Variants in TMTC4 observed in about 807,000 individuals in gnomAD.
TMTC4 encodes transmembrane O-mannosyltransferase targeting cadherins 4.
TMTC4 carries 65 observed loss-of-function variants against 86.0 expected under a neutral mutation model. The ratio of observed to expected loss-of-function variants is 0.76; its 90% confidence interval spans 0.62 to 0.93. The LOEUF (loss-of-function observed/expected upper bound fraction) is 0.93. TMTC4 is among the 40% of genes least tolerant of loss of function. The probability of loss-of-function intolerance (pLI) is 0.00; values close to 1 mark genes in which losing one functional copy is unlikely to be tolerated. For synonymous variants in TMTC4, 379 were observed against 382.5 expected, an observed-to-expected ratio of 0.99 and a Z score of 0.11; for missense variants, 866 against 948.1, an observed-to-expected ratio of 0.91 and a Z score of 1.14.
intron 6 of TMTC4, among the ~76,000 whole-genome samples, chr13:100,646,258 A>G (rs775362860): frequency 1.3e-5 from 2 of 152,186 alleles, no homozygotes; most frequent in African/African-American, 2.4e-5. Context: ...GGAGCAACTA[A>G]AAATTGTTCT....
intron 5 of TMTC4, among the ~76,000 whole-genome samples, chr13:100,662,762 C>A (rs541376746): frequency 1.3e-5 from 2 of 152,276 alleles, no homozygotes; most frequent in South Asian, 4.2e-4. Context: ...TGTCTCTGCC[C>A]CAGACAGAAT....
intron 5 of TMTC4, among the ~76,000 whole-genome samples, chr13:100,659,530 A>G (rs919304719): frequency 6.6e-6 from 1 of 152,112 alleles, no homozygotes; most frequent in Admixed American, 6.5e-5. Context: ...AACAAAAAGG[A>G]AAGCCCACAC....
chr13:100,672,978 G>A (rs2139087118), intron 1 of TMTC4, among the ~76,000 whole-genome samples: 1 of 152,272 alleles, frequency 6.6e-6, no homozygotes, highest in South Asian at 2.1e-4. Context: ...ACCCACTGTG[G>A]CCTCTGCTAC....
At chr13:100,619,586 T>C (rs1879173555) in intron 15 of TMTC4, among the ~76,000 whole-genome samples, 1 of 152,134 alleles carries the variant, frequency 6.6e-6, no homozygotes, top group South Asian at 2.1e-4. Context: ...ACACAGCAAA[T>C]AGATAGCATA....
At chr13:100,616,414 G>A (rs1878514604) in intron 15 of TMTC4, among the ~76,000 whole-genome samples, 1 of 152,220 alleles carries the variant, frequency 6.6e-6, no homozygotes, top group African/African-American at 2.4e-5. Flanking sequence ...TCTTGGCCAG[G>A]CTGGTCTTGA....
At chr13:100,671,892 A>G (rs1364434177) in intron 1 of TMTC4, among the ~76,000 whole-genome samples, 2 of 152,078 alleles carry the variant, frequency 1.3e-5, no homozygotes, top group Non-Finnish European at 2.9e-5. Context: ...AAAAAAAAAA[A>G]AAGCTACAAT....
rs1445276872 is a variant in TMTC4, at chr13:100,611,678, G to A, written c.2064+720C>T. Among the ~76,000 whole-genome samples the A allele has an allele frequency of 2.0e-5, 3 of 152,160 alleles. No homozygotes were observed. The East Asian group carries it at 5.8e-4, about 29-fold the overall frequency. On this transcript the variant is annotated intron_variant, in intron 17 of 18. Coordinates refer to ENST00000342624, the MANE Select transcript of TMTC4 (RefSeq NM_032813.5). The stretch of plus-strand genomic sequence containing the variant: ...GCCAATCCCTTCTGGGGAGAATCTG[G>A]GCATCTCTACTTTAACAAGCTTCCT...
Position 100,670,400 on chromosome 13 carries a change from A to G in TMTC4, c.-38T>C. The G allele has an allele frequency of 1.3e-6, 2 of 1,597,954 alleles. No homozygotes were observed. The highest frequency in any genetic ancestry group is 8.5e-7 in the Non-Finnish European group (1 of 1,174,600). The stretch of plus-strand genomic sequence containing the variant: ...CTGTCCCCTTCCAGGGGCCAGAAGG[A>G]GGCTCAGATTTACAATCCAGAGATG... On this transcript the variant is annotated 5_prime_UTR_variant, in exon 2 of 19. Coordinates refer to ENST00000342624, the MANE Select transcript of TMTC4 (RefSeq NM_032813.5).
chr13:100,620,886 G>T (rs1004552154), intron 15 of TMTC4, among the ~76,000 whole-genome samples: 1 of 152,126 alleles, frequency 6.6e-6, no homozygotes, highest in Non-Finnish European at 1.5e-5. Flanking sequence ...GTTCTTATTT[G>T]CCAGTATATA....
In TMTC4 at chr13:100,663,083, A is replaced by T; in HGVS notation, c.433T>A (p.Phe145Ile). Residue 145 changes from phenylalanine (F) to isoleucine (I), a missense_variant, in exon 5 of 19, where the codon TTC becomes ATC. By Grantham distance (21) the Phe-to-Ile change is conservative (BLOSUM62 0). Coordinates refer to ENST00000342624, the MANE Select transcript of TMTC4 (RefSeq NM_032813.5). ...TGCAGGCCGCCAAACAGAACCGAGA[A>T]GACGTCCACCATGAGGACAGAGATG... ...SGISVLMVDV[F>I]SVLFGGLQYT... 1 of 1,614,240 alleles carries T rather than the reference A, an allele frequency of 6.2e-7. No individual in the cohort carries two copies. The highest frequency in any genetic ancestry group is 8.5e-7 in the Non-Finnish European group (1 of 1,180,032).
intron 6 of TMTC4, among the ~76,000 whole-genome samples, chr13:100,650,959 T>C (rs1441688627): frequency 6.6e-6 from 1 of 152,230 alleles, no homozygotes; most frequent in Non-Finnish European, 1.5e-5. Context: ...ACTATACAGC[T>C]TAAGGTGAAC....
chr13:100,645,787 A>G (rs1159064479), intron 6 of TMTC4, among the ~76,000 whole-genome samples: 1 of 152,186 alleles, frequency 6.6e-6, no homozygotes, highest in Non-Finnish European at 1.5e-5. Context: ...TCCCGAGTCG[A>G]GGGTCTGTCC....
chr13:100,668,506 C>A (rs1280119943), intron 3 of TMTC4, 73 bp downstream of exon 3: 2 of 1,455,912 alleles, frequency 1.4e-6, no homozygotes, highest in East Asian at 4.8e-5. Context: ...GAGAACAATG[C>A]AACACATACT....
intron 5 of TMTC4, 74 bp from the exon 6 acceptor site, chr13:100,656,542 C>CTTTTTTTTTTTTTTTTATTTT (rs1885138873): frequency 2.9e-6 from 1 of 350,206 alleles, no homozygotes; most frequent in Non-Finnish European, 4.6e-6. Flanking sequence ...GGAGACATAA[C>CTTTTTTTTTTTTTTTTATTTT]TTTTTTTTTT....
chr13:100,665,879 C>T (rs1465596424), intron 3 of TMTC4: 1 of 364,688 alleles, frequency 2.7e-6, no homozygotes, highest in South Asian at 2.1e-5. Flanking sequence ...AGCACACTGA[C>T]CACTCCCCAA....
intron 3 of TMTC4, among the ~76,000 whole-genome samples, chr13:100,667,428 C>G (rs1268022161): frequency 1.3e-5 from 2 of 151,674 alleles, no homozygotes; most frequent in Non-Finnish European, 2.9e-5. Context: ...GACTCTGTCT[C>G]AAAACAACAA....
At chr13:100,641,714 C>T (rs1002172742) in intron 7 of TMTC4, among the ~76,000 whole-genome samples, 1 of 152,006 alleles carries the variant, frequency 6.6e-6, no homozygotes, top group African/African-American at 2.4e-5. Flanking sequence ...TTCGAACTCC[C>T]GACCTCAGGT....
intron 6 of TMTC4, among the ~76,000 whole-genome samples, chr13:100,654,830 A>T (rs1483393460): frequency 6.6e-6 from 1 of 152,140 alleles, no homozygotes; most frequent in Non-Finnish European, 1.5e-5. Flanking sequence ...CTCCTAAATG[A>T]TGTCCCCCAC....
chr13:100,668,112 T>C (rs1886613120), intron 3 of TMTC4, among the ~76,000 whole-genome samples: 1 of 151,946 alleles, frequency 6.6e-6, no homozygotes, highest in Non-Finnish European at 1.5e-5. Context: ...GTCCCGACAG[T>C]CTCGGAGAAG....
Sources: allele counts gnomAD v4.1 joint callset (sites outside exome capture counted in the v4.1 genomes callset), GRCh38; gene constraint gnomAD v4.1.1; transcripts MANE v1.5; gene names NCBI Gene and HGNC (gene_info 2026-07-23, HGNC 2026-07-21).